CACNA2D3: variants seen among roughly 807,000 people sequenced by gnomAD.
CACNA2D3 encodes voltage-dependent calcium channel subunit alpha-2/delta-3.
In CACNA2D3, 60 loss-of-function variants were observed where a neutral mutation model predicts 160.6. The ratio of observed to expected loss-of-function variants is 0.37; its 90% CI spans 0.30 to 0.46. CACNA2D3 has a LOEUF of 0.46. CACNA2D3 is among the 20% of genes least tolerant of loss of function. CACNA2D3 has a pLI of 1.00. For synonymous variants in CACNA2D3, 558 were observed against 492.9 expected, an observed-to-expected ratio of 1.13 and a Z score of -1.75; for missense variants, 1,205 against 1,365.0, an observed-to-expected ratio of 0.88 and a Z score of 1.85.
intron 4 of CACNA2D3, among the ~76,000 whole-genome samples, chr3:54,455,290 G>A (rs940176950): frequency 6.6e-6 from 1 of 151,984 alleles, no homozygotes; most frequent in African/African-American, 2.4e-5. Flanking sequence ...TAACCATCCT[G>A]AGGTGAGATG....
intron 3 of CACNA2D3, among the ~76,000 whole-genome samples, chr3:54,323,636 T>G (rs981414423): frequency 1.3e-5 from 2 of 152,012 alleles, no homozygotes; most frequent in Admixed American, 1.3e-4. Flanking sequence ...CCGGCTAATT[T>G]TTTGTATTTT....
At chr3:54,380,333 G>A (rs914283746) in intron 3 of CACNA2D3, among the ~76,000 whole-genome samples, 5 of 152,194 alleles carry the variant, frequency 3.3e-5, no homozygotes, top group South Asian at 2.1e-4. Flanking sequence ...CTTCACTTCT[G>A]TAGACTGTCA....
chr3:54,495,300 A>G (rs1011542500), intron 4 of CACNA2D3, among the ~76,000 whole-genome samples: 26 of 152,188 alleles, frequency 1.7e-4, no homozygotes, highest in African/African-American at 5.8e-4. Flanking sequence ...AAACTTCTTG[A>G]ATTAATAATT....
At chr3:54,954,595 C>G (rs11707318) in intron 27 of CACNA2D3, among the ~76,000 whole-genome samples, 25,325 of 152,162 alleles carry the variant, frequency 0.17, 2,799 homozygotes, top group African/African-American at 0.31. Flanking sequence ...CTGAGCAGCT[C>G]GTTCAGGAGG....
chr3:54,498,806 A>G (rs1187299795), intron 4 of CACNA2D3, among the ~76,000 whole-genome samples: 1 of 151,982 alleles, frequency 6.6e-6, no homozygotes. Flanking sequence ...ATATTTTCCA[A>G]TTTCCCATGT....
At chr3:54,791,804 T>G (rs73845467) in intron 13 of CACNA2D3, among the ~76,000 whole-genome samples, 1,989 of 152,266 alleles carry the variant, frequency 0.013, 50 homozygotes, top group African/African-American at 0.043. Context: ...AGATCACCAT[T>G]TTAGAGTTCT....
At position 55,018,188 on chromosome 3, in the gene CACNA2D3, T is replaced by G; in HGVS notation, c.2876-18T>G. On this transcript the variant is annotated intron_variant, in intron 34 of 37. Transcript: ENST00000474759. ...TGCCTTGCATTCTTTACCTTTTTTT[T>G]TCCCACTATCCCTACAGCCCAGAAA... 1.3e-6 allele frequency: 2 copies of G among 1,540,468 alleles called. No individual in the cohort carries two copies.
intron 11 of CACNA2D3, among the ~76,000 whole-genome samples, chr3:54,703,151 A>G (rs1490580417): frequency 6.6e-6 from 1 of 152,202 alleles, no homozygotes; most frequent in Non-Finnish European, 1.5e-5. Flanking sequence ...TTGGGTAATG[A>G]AATAATTCGT....
At chr3:54,986,081 A>G (rs1702606182) in intron 30 of CACNA2D3, among the ~76,000 whole-genome samples, 2 of 152,184 alleles carry the variant, frequency 1.3e-5, no homozygotes, top group African/African-American at 4.8e-5. Context: ...GAGCAAGAAT[A>G]CACATTAGTT....
At chr3:54,295,874 C>T (rs1338719050) in intron 2 of CACNA2D3, among the ~76,000 whole-genome samples, 5 of 152,286 alleles carry the variant, frequency 3.3e-5, no homozygotes, top group South Asian at 2.1e-4. Flanking sequence ...CAATGCAGCT[C>T]GCAGCTTAAC....
At chr3:54,484,707 G>C (rs139804566) in intron 4 of CACNA2D3, among the ~76,000 whole-genome samples, 11 of 152,256 alleles carry the variant, frequency 7.2e-5, no homozygotes, top group South Asian at 4.1e-4. Context: ...AACTGGAAAT[G>C]GTGAAGTTAT....
At chr3:54,154,225 A>G (rs1700201196) in intron 2 of CACNA2D3, among the ~76,000 whole-genome samples, 1 of 152,186 alleles carries the variant, frequency 6.6e-6, no homozygotes, top group Non-Finnish European at 1.5e-5. Context: ...TTTTTTTAAA[A>G]AAGAGAAAAA....
At chr3:54,721,147 A>T (rs539376077) in intron 11 of CACNA2D3, among the ~76,000 whole-genome samples, 49 of 152,270 alleles carry the variant, frequency 3.2e-4, no homozygotes, top group African/African-American at 1.2e-3. Flanking sequence ...ATATTATATT[A>T]GCACTTTTCC....
intron 11 of CACNA2D3, among the ~76,000 whole-genome samples, chr3:54,727,436 T>G (rs1424074009): frequency 6.6e-6 from 1 of 152,238 alleles, no homozygotes; most frequent in African/African-American, 2.4e-5. Context: ...TAAATCATTC[T>G]GCTATAAAGA....
intron 11 of CACNA2D3, among the ~76,000 whole-genome samples, chr3:54,693,777 A>G (rs568836826): frequency 3.3e-5 from 5 of 152,322 alleles, no homozygotes; most frequent in Middle Eastern, 3.4e-3. Flanking sequence ...GTTTTTAACA[A>G]AAAAGTTTAA....
intron 5 of CACNA2D3, among the ~76,000 whole-genome samples, chr3:54,509,668 C>T (rs949595393): frequency 2.6e-5 from 4 of 152,092 alleles, no homozygotes; most frequent in African/African-American, 9.7e-5. Context: ...TTCCAGGAAC[C>T]CCTATTCCAG....
chr3:54,346,433 T>C (rs1185779495), intron 3 of CACNA2D3, among the ~76,000 whole-genome samples: 4 of 152,236 alleles, frequency 2.6e-5, no homozygotes, highest in African/African-American at 4.8e-5. Context: ...CTTCATGATA[T>C]GTAGATGTTA....
chr3:55,061,686 A>G (rs1023581499), intron 35 of CACNA2D3, among the ~76,000 whole-genome samples: 10 of 152,164 alleles, frequency 6.6e-5, no homozygotes, highest in Admixed American at 6.5e-5. Flanking sequence ...TGAGGCTGAA[A>G]ATGTGTTTGT....
chr3:54,986,250 G>A (rs1309608412), intron 30 of CACNA2D3, among the ~76,000 whole-genome samples: 1 of 152,162 alleles, frequency 6.6e-6, no homozygotes, highest in East Asian at 1.9e-4. Context: ...GCCATGAGCA[G>A]CCATGGCCAC....
Sources: gnomAD v4.1 joint callset for allele counts (sites outside exome capture counted in the v4.1 genomes callset) on GRCh38, gnomAD v4.1.1 for gene constraint, MANE v1.5 for transcripts, NCBI Gene and HGNC (gene_info 2026-07-23, HGNC 2026-07-21) for gene names.